RDX: variants seen among roughly 807,000 people sequenced by gnomAD.
RDX encodes deafness, autosomal recessive 24.
In RDX, 32 loss-of-function variants were observed where a neutral mutation model predicts 83.7. The observed-to-expected ratio is 0.38, with a 90% CI of 0.29 to 0.51. The LOEUF is 0.51. Ranked by LOEUF, RDX falls within the 20% of genes least tolerant of loss-of-function variation. The pLI is 0.87. For missense variants in RDX, 600 were observed against 689.9 expected (o/e 0.87, Z 1.46); for synonymous variants, 229 against 222.7 (o/e 1.03, Z -0.25).
chr11:110,221,487 A>C (rs1437115020), intron 14 of RDX, among the ~76,000 whole-genome samples: 1 of 152,062 alleles, frequency 6.6e-6, no homozygotes, highest in Non-Finnish European at 1.5e-5. Context: ...GCTCCCAGCT[A>C]TTCAGGTGGC....
At chr11:110,250,127 CG>C (rs1461754687) in intron 9 of RDX, among the ~76,000 whole-genome samples, 2 of 152,190 alleles carry the variant, frequency 1.3e-5, no homozygotes, top group African/African-American at 4.8e-5. Flanking sequence ...TTCTAGAAGA[CG>C]TGAGTTTAAG....
At chr11:110,226,521 G>A (rs547986711), downstream of RDX, among the ~76,000 whole-genome samples, 8 of 152,258 alleles carry the variant, frequency 5.3e-5, no homozygotes, top group Middle Eastern at 3.4e-3. Flanking sequence ...GCTTCAGTCC[G>A]GGAAGATGAG....
chr11:110,210,494 C>T (rs1245642870), intron 14 of RDX, among the ~76,000 whole-genome samples: 1 of 149,944 alleles, frequency 6.7e-6, no homozygotes, highest in African/African-American at 2.5e-5. Flanking sequence ...GAGAACACCA[C>T]AAAGATACTC....
chr11:110,294,615 G>A (rs1377112971), intron 1 of RDX, among the ~76,000 whole-genome samples: 1 of 151,906 alleles, frequency 6.6e-6, no homozygotes, highest in Non-Finnish European at 1.5e-5. Context: ...CCATCCCGGA[G>A]ACTAATGAGA....
At chr11:110,293,410 C>A (rs897314712) in intron 1 of RDX, among the ~76,000 whole-genome samples, 1 of 151,974 alleles carries the variant, frequency 6.6e-6, no homozygotes, top group South Asian at 2.1e-4. Context: ...TTAAGCTATA[C>A]ATTCAATATA....
In RDX at chr11:110,289,805, G is replaced by C. The variant is rs188543896; in HGVS notation, c.-65+6662C>G. On this transcript the variant is annotated intron_variant, in intron 1 of 13. Transcript: ENST00000645495. Reference sequence around the variant, plus strand: ...CTACTAAAAATATAAAAATTAGTCAGACGTGGTGACCTGTTTGGTGGTGTG... The same window carrying C: ...CTACTAAAAATATAAAAATTAGTCACACGTGGTGACCTGTTTGGTGGTGTG... Among the ~76,000 whole-genome samples, 943 of 150,560 alleles carry C rather than the reference G, an allele frequency of 6.3e-3. 18 individuals carry two copies. The highest frequency in any genetic ancestry group is 0.021 in the African/African-American group (830 of 40,390).
intron 12 of RDX, among the ~76,000 whole-genome samples, chr11:110,235,701 G>A (rs1457971675): frequency 6.6e-6 from 1 of 152,032 alleles, no homozygotes; most frequent in Admixed American, 6.6e-5. Context: ...ACTAAGCCTC[G>A]GCTGCTTATT....
At chr11:110,273,529 C>G (rs539369233) in intron 2 of RDX, among the ~76,000 whole-genome samples, 1 of 152,324 alleles carries the variant, frequency 6.6e-6, no homozygotes, top group African/African-American at 2.4e-5. Flanking sequence ...ATACTCCCAC[C>G]TCAATCTACC....
intron 14 of RDX, among the ~76,000 whole-genome samples, chr11:110,201,903 T>TGTGTGTGTG (rs1863419936): frequency 1.5e-5 from 2 of 137,220 alleles, no homozygotes; most frequent in Non-Finnish European, 3.1e-5. Flanking sequence ...CCGGCTAATT[T>TGTGTGTGTG]TGTGTGTGTG....
At position 110,247,025 on chromosome 11, in the gene RDX, C is replaced by CT. The variant is rs1184913609; in HGVS notation, c.1090+677dup. On this transcript the variant is annotated intron_variant, in intron 10 of 13. Transcript: ENST00000645495. ...AGAAAAACATTTTATTGATGCAATA[C>CT]TTTTTTTTTCTTGCTTTCTCCACTA... 9.9e-5 allele frequency among the ~76,000 whole-genome samples: 15 copies of CT among 151,764 alleles called. 1 individual carries two copies. In the South Asian group the frequency reaches 3.1e-3, roughly 32 times the overall value.
chr11:110,285,712 C>CAAAAAAAA (rs35030078), intron 1 of RDX, among the ~76,000 whole-genome samples: 1 of 78,404 alleles, frequency 1.3e-5, no homozygotes, highest in Admixed American at 1.7e-4. Context: ...GACTTTGTCT[C>CAAAAAAAA]AAAAAAAAAA....
intron 15 of RDX, chr11:110,179,781 TA>T (rs1305848196): frequency 9.0e-6 from 3 of 333,944 alleles, no homozygotes; most frequent in Non-Finnish European, 1.8e-5. Context: ...AAAAAACAAT[TA>T]TAATAATAAA....
At chr11:110,256,811 T>G (rs931573967) in intron 7 of RDX, among the ~76,000 whole-genome samples, 2 of 152,254 alleles carry the variant, frequency 1.3e-5, no homozygotes, top group African/African-American at 4.8e-5. Context: ...TAACTTGCTT[T>G]GTAATAAAAA....
chr11:110,288,855 T>C (rs1443169335), intron 1 of RDX, among the ~76,000 whole-genome samples: 1 of 152,192 alleles, frequency 6.6e-6, no homozygotes, highest in Admixed American at 6.5e-5. Context: ...TCAAGGGCAA[T>C]AGTTTCCTCT....
At chr11:110,295,273 G>T (rs1182099000) in intron 1 of RDX, among the ~76,000 whole-genome samples, 2 of 138,950 alleles carry the variant, frequency 1.4e-5, no homozygotes, top group African/African-American at 2.7e-5. Context: ...TTCCTTCTTA[G>T]CTCCATCAGT....
At chr11:110,197,343 C>T (rs575970788) in intron 15 of RDX, among the ~76,000 whole-genome samples, 20 of 152,274 alleles carry the variant, frequency 1.3e-4, no homozygotes, top group African/African-American at 4.8e-4. Context: ...CTCAAGAGTC[C>T]CTGTTCTTTC....
At chr11:110,239,794 A>C (rs1865007302) in intron 10 of RDX, among the ~76,000 whole-genome samples, 1 of 151,234 alleles carries the variant, frequency 6.6e-6, no homozygotes, top group Non-Finnish European at 1.5e-5. Flanking sequence ...AATCACTTGA[A>C]CCCGGGAGGT....
intron 15 of RDX, among the ~76,000 whole-genome samples, chr11:110,196,928 G>A (rs1487745820): frequency 2.0e-5 from 3 of 152,014 alleles, no homozygotes; most frequent in African/African-American, 4.8e-5. Flanking sequence ...AGACAGGGTC[G>A]CGCTCTGCCA....
chr11:110,262,962 T>G (rs958978851), intron 5 of RDX, among the ~76,000 whole-genome samples: 2 of 152,126 alleles, frequency 1.3e-5, no homozygotes, highest in African/African-American at 4.8e-5. Flanking sequence ...AAACCTAGTT[T>G]AAAAAGCCTT....
Sources: gnomAD v4.1 joint callset for allele counts (sites outside exome capture counted in the v4.1 genomes callset) on GRCh38, gnomAD v4.1.1 for gene constraint, MANE v1.5 for transcripts, NCBI Gene and HGNC (gene_info 2026-07-23, HGNC 2026-07-21) for gene names.